Variants in PRKN observed in about 807,000 individuals in gnomAD.
PRKN encodes the protein E3 ubiquitin-protein ligase parkin.
Under a neutral mutation model 59.5 loss-of-function variants are expected in PRKN, and 56 were observed. The observed-to-expected ratio is 0.94, with a 90% CI of 0.76 to 1.18. The LOEUF (loss-of-function observed/expected upper bound fraction) is 1.18, where lower values mean the gene tolerates loss of function less well. Ranked by LOEUF, PRKN falls within the 50% of genes most tolerant of loss-of-function variation. The pLI, the probability that PRKN is intolerant of heterozygous loss-of-function variation, is 0.00. For missense variants in PRKN, 657 were observed against 596.4 expected (o/e 1.10, Z -1.06); for synonymous variants, 250 against 222.1 (o/e 1.13, Z -1.12).
At chr6:162,582,284 A>C (rs1472708355) in intron 1 of PRKN, among the ~76,000 whole-genome samples, 1 of 152,242 alleles carries the variant, frequency 6.6e-6, no homozygotes, top group African/African-American at 2.4e-5. Flanking sequence ...ATGTATAAAA[A>C]CAAGCATTAA....
chr6:162,443,673 C>A (rs1168520807), intron 1 of PRKN, among the ~76,000 whole-genome samples, 200 bp from the exon 2 acceptor site: 1 of 152,180 alleles, frequency 6.6e-6, no homozygotes, highest in African/African-American at 2.4e-5. Flanking sequence ...CGAGATTTCC[C>A]TTTCATATAT....
intron 7 of PRKN, among the ~76,000 whole-genome samples, chr6:161,672,787 C>T (rs1040815620): frequency 3.9e-5 from 6 of 152,080 alleles, no homozygotes; most frequent in African/African-American, 1.4e-4. Flanking sequence ...CAAAACAAAA[C>T]AAAACAAAAA....
intron 1 of PRKN, among the ~76,000 whole-genome samples, chr6:162,702,031 A>G (rs1455008936): frequency 6.6e-6 from 1 of 152,162 alleles, no homozygotes; most frequent in African/African-American, 2.4e-5. Flanking sequence ...ACAATAGTAT[A>G]TTGTTTTTGT....
intron 1 of PRKN, among the ~76,000 whole-genome samples, chr6:162,594,003 A>G (rs965206374): frequency 1.3e-5 from 2 of 152,286 alleles, no homozygotes; most frequent in Non-Finnish European, 2.9e-5. Flanking sequence ...ACGAAAAATT[A>G]GCCTAGCGTG....
At position 162,054,326 on chromosome 6, in the gene PRKN, G is replaced by A. The variant is rs143737665; in HGVS notation, c.535-152C>T. On this transcript the variant is annotated intron_variant, in intron 4 of 11. Transcript: ENST00000366898. The stretch of plus-strand genomic sequence containing the variant: ...TGGTCTGCAGACTCTGGGGGTCCCC[G>A]TGACCCTTTCAAGGGATGTGCTAGG... 3.3e-4 allele frequency: 226 copies of A among 692,790 alleles called. 1 individual carries two copies. The East Asian group carries it at 5.1e-3, about 16-fold the overall frequency. 42.9% of individuals were successfully genotyped at this position (692,790 alleles called of 1,614,324 possible). A position where few individuals can be genotyped will look rare whatever the true frequency, so the allele number is the denominator to read the frequency against.
intron 2 of PRKN, among the ~76,000 whole-genome samples, chr6:162,351,380 G>A (rs903203435): frequency 6.6e-6 from 1 of 152,076 alleles, no homozygotes; most frequent in African/African-American, 2.4e-5. Flanking sequence ...ACCACAATGA[G>A]ATACTACTAC....
chr6:161,736,481 C>T (rs1486649105), intron 7 of PRKN, among the ~76,000 whole-genome samples: 1 of 152,200 alleles, frequency 6.6e-6, no homozygotes, highest in Admixed American at 6.5e-5. Context: ...ACTGTGACAA[C>T]ACATGTCTGA....
chr6:162,358,559 T>C (rs1784977549), intron 2 of PRKN, among the ~76,000 whole-genome samples: 1 of 152,164 alleles, frequency 6.6e-6, no homozygotes, highest in African/African-American at 2.4e-5. Context: ...TGGTTTCTTA[T>C]CTTTAAGACA....
At chr6:162,000,190 G>C (rs996474297) in intron 5 of PRKN, among the ~76,000 whole-genome samples, 1 of 152,050 alleles carries the variant, frequency 6.6e-6, no homozygotes, top group Admixed American at 6.6e-5. Flanking sequence ...CGTATGGTAA[G>C]ACTATGTTTA....
At chr6:162,142,853 G>A (rs1332381719) in intron 4 of PRKN, among the ~76,000 whole-genome samples, 1 of 152,110 alleles carries the variant, frequency 6.6e-6, no homozygotes, top group South Asian at 2.1e-4. Context: ...TTGGAAACAG[G>A]TAAATAATAA....
chr6:162,414,726 A>AAAAAAAAAAAT (rs34838356), intron 2 of PRKN, among the ~76,000 whole-genome samples: 1 of 91,870 alleles, frequency 1.1e-5, no homozygotes, highest in Admixed American at 1.2e-4. Context: ...AAAAAAAAAA[A>AAAAAAAAAAAT]AGTGAATCTT....
At chr6:161,745,565 A>T (rs942047355) in intron 7 of PRKN, among the ~76,000 whole-genome samples, 2 of 152,176 alleles carry the variant, frequency 1.3e-5, no homozygotes, top group Non-Finnish European at 2.9e-5. Flanking sequence ...TTGCTGTTGG[A>T]ACGTGAATAT....
chr6:162,002,407 T>C (rs1782093104), intron 5 of PRKN, among the ~76,000 whole-genome samples: 1 of 152,092 alleles, frequency 6.6e-6, no homozygotes, highest in African/African-American at 2.4e-5. Flanking sequence ...TCAGGGAATT[T>C]CAGCTACATT....
intron 4 of PRKN, among the ~76,000 whole-genome samples, chr6:162,073,891 A>G (rs1778697154): frequency 6.6e-6 from 1 of 152,266 alleles, no homozygotes; most frequent in African/African-American, 2.4e-5. Context: ...ATCACAAGAA[A>G]AAAGTCACAT....
intron 6 of PRKN, among the ~76,000 whole-genome samples, chr6:161,828,949 G>T (rs1400792799): frequency 6.6e-6 from 1 of 151,678 alleles, no homozygotes; most frequent in East Asian, 1.9e-4. Flanking sequence ...AAAAAGAGCC[G>T]GTTGCGACGG....
intron 3 of PRKN, among the ~76,000 whole-genome samples, chr6:162,240,221 AT>A (rs1424349148): frequency 6.6e-6 from 1 of 152,252 alleles, no homozygotes; most frequent in Non-Finnish European, 1.5e-5. Flanking sequence ...ACAATTAAAA[AT>A]TTTTTAAAAT....
At chr6:162,613,173 G>C (rs559689033) in intron 1 of PRKN, among the ~76,000 whole-genome samples, 1 of 152,202 alleles carries the variant, frequency 6.6e-6, no homozygotes, top group Non-Finnish European at 1.5e-5. Context: ...AAAGCTGCAG[G>C]ATATCCAACT....
rs1327202453 is a variant in PRKN, at chr6:161,576,984, A to G, written c.872-7568T>C. Among the ~76,000 whole-genome samples the G allele has an allele frequency of 6.6e-6, 1 of 152,240 alleles. No individual in the cohort carries two copies. On this transcript the variant is annotated intron_variant, in intron 7 of 11. Coordinates refer to ENST00000366898, the MANE Select transcript of PRKN (RefSeq NM_004562.3). This position sits in a 1 kb window ranked among gnomAD's most constrained non-coding sequence, Gnocchi z 4.6. ...GTCGATGCACGCAAATATACTAAGA[A>G]TATAAAATAATGCCTGCAAATGATA...
chr6:162,711,562 C>A (rs1327367180), intron 1 of PRKN, among the ~76,000 whole-genome samples: 1 of 152,156 alleles, frequency 6.6e-6, no homozygotes, highest in Non-Finnish European at 1.5e-5. Context: ...CAACACTGTT[C>A]CAACCTGACA....
Sources: gnomAD v4.1 joint callset for allele counts (sites outside exome capture counted in the v4.1 genomes callset) on GRCh38, gnomAD v4.1.1 for gene constraint, Gnocchi (gnomAD v3.1) non-coding constraint, MANE v1.5 for transcripts, NCBI Gene and HGNC (gene_info 2026-07-23, HGNC 2026-07-21) for gene names.